Variants in PAM observed in about 807,000 individuals in gnomAD.
PAM encodes the protein peptidyl-glycine alpha-amidating monooxygenase.
In PAM, 72 loss-of-function variants were observed where a neutral mutation model predicts 122.1. The ratio of observed to expected loss-of-function variants is 0.59; its 90% CI spans 0.49 to 0.72. PAM has a LOEUF of 0.72. Ranked by LOEUF, PAM falls within the 30% of genes least tolerant of loss-of-function variation. The probability of loss-of-function intolerance (pLI) is 0.00; values close to 1 mark genes in which losing one functional copy is unlikely to be tolerated. For missense variants in PAM, 1,106 were observed against 1,183.7 expected (o/e 0.93, Z 0.96); for synonymous variants, 389 against 404.4 (o/e 0.96, Z 0.46).
intron 1 of PAM, among the ~76,000 whole-genome samples, chr5:102,774,406 AAAGTGAGACTAC>A (rs2149793319): frequency 6.6e-6 from 1 of 152,202 alleles, no homozygotes; most frequent in East Asian, 1.9e-4. Flanking sequence ...GAGCCACTCC[AAAGTGAGACTAC>A]CTTGCCTTCG....
intron 1 of PAM, among the ~76,000 whole-genome samples, chr5:102,805,645 T>C (rs1470905325): frequency 6.6e-6 from 1 of 152,096 alleles, no homozygotes; most frequent in African/African-American, 2.4e-5. Context: ...TCCTTGAGAA[T>C]CAAAGGAAGA....
At chr5:102,873,226 C>G (rs1561710169) in intron 3 of PAM, 1 of 152,082 alleles carries the variant, frequency 6.6e-6, no homozygotes, top group Non-Finnish European at 1.5e-5. Flanking sequence ...TTCAGTCTTT[C>G]TCTTGGACAT....
At chr5:103,022,304 A>G (rs1783787236) in intron 23 of PAM, among the ~76,000 whole-genome samples, 1 of 151,844 alleles carries the variant, frequency 6.6e-6, no homozygotes, top group Admixed American at 6.6e-5. Context: ...ACTTCCTAGT[A>G]TGCCATTTGC....
At chr5:102,926,318 A>G (rs1261613683) in intron 6 of PAM, among the ~76,000 whole-genome samples, 1 of 152,230 alleles carries the variant, frequency 6.6e-6, no homozygotes, top group Non-Finnish European at 1.5e-5. Context: ...TGTTTCTTTC[A>G]AAATGAGTGA....
At chr5:102,932,452 T>C (rs1400600973) in intron 7 of PAM, among the ~76,000 whole-genome samples, 1 of 151,670 alleles carries the variant, frequency 6.6e-6, no homozygotes, top group African/African-American at 2.4e-5. Flanking sequence ...ACCACTGCAC[T>C]GCAGCCTGGG....
intron 14 of PAM, among the ~76,000 whole-genome samples, chr5:102,967,729 T>TC (rs1764539387): frequency 6.6e-6 from 1 of 151,282 alleles, no homozygotes; most frequent in Admixed American, 6.6e-5. Context: ...TTTTTTTTTT[T>TC]TTTTGAGATG....
intron 1 of PAM, among the ~76,000 whole-genome samples, chr5:102,826,374 C>T (rs941913762): frequency 1.3e-5 from 2 of 152,128 alleles, no homozygotes; most frequent in Non-Finnish European, 2.9e-5. Flanking sequence ...AAATGGATAT[C>T]CAGGGTCCTT....
rs1315786819 is a variant in PAM at position 102,865,971 on chromosome 5, A to G, written c.-225A>G. The stretch of plus-strand genomic sequence containing the variant: ...AAAGCTTCCGCCTGCGGGCCGGACA[A>G]AAGTCCCGCCTGCCCACGGCTTTTT... On this transcript the variant is annotated 5_prime_UTR_variant, in exon 2 of 26. Transcript: ENST00000438793. 1 of 440,936 alleles carries G rather than the reference A, an allele frequency of 2.3e-6. No individual in the cohort carries two copies. The highest frequency in any genetic ancestry group is 3.9e-6 in the Non-Finnish European group (1 of 253,444). 27.3% of individuals were successfully genotyped at this position (440,936 alleles called of 1,614,324 possible).
Position 103,003,048 on chromosome 5 carries a change from G to A in PAM, c.1629G>A (p.Lys543=), listed in dbSNP as rs1777867797. 1.3e-6 allele frequency: 2 copies of A among 1,579,392 alleles called. No individual in the cohort carries two copies. Among genetic ancestry groups the A allele is most frequent in the African/African-American group, 1.3e-5 (1 of 74,272 alleles). ...HVWDGNSFDS[K]FVYQQIGLGP... is the part of the protein sequence containing the mutation. ...TTTTGTTTAGCTCGTTTGACAGCAA[G>A]TTTGTTTACCAGCAAATAGGACTCG... The change falls in exon 17 of 26, where the codon AAG becomes AAA. Residue 543 remains lysine, a synonymous_variant. Transcript: ENST00000438793.
At chr5:102,917,672 T>C (rs1463141966) in intron 5 of PAM, among the ~76,000 whole-genome samples, 2 of 152,194 alleles carry the variant, frequency 1.3e-5, no homozygotes, top group Non-Finnish European at 2.9e-5. Flanking sequence ...GTCTTTAATA[T>C]AGAAAACATG....
Position 102,962,913 on chromosome 5 carries a change from A to T in PAM, c.1162+1684A>T, listed in dbSNP as rs186085735. On this transcript the variant is annotated intron_variant, in intron 14 of 25. Transcript: ENST00000438793. ...ACCCAAACTCTTACTGGTCCCCGAGAATAATTCTATGGACACATAAGAAAT... is the reference window on the plus strand; with the variant it reads ...ACCCAAACTCTTACTGGTCCCCGAGTATAATTCTATGGACACATAAGAAAT... 1.8e-3 allele frequency among the ~76,000 whole-genome samples: 266 copies of T among 151,946 alleles called. 1 individual carries two copies. Among genetic ancestry groups the T allele is most frequent in the Non-Finnish European group, 2.8e-3 (189 of 67,810 alleles).
chr5:102,993,968 T>C (rs1036473759), intron 16 of PAM, among the ~76,000 whole-genome samples: 2 of 152,120 alleles, frequency 1.3e-5, no homozygotes, highest in Non-Finnish European at 2.9e-5. Flanking sequence ...TTTGTTCTGC[T>C]CATGAAATGT....
At position 103,028,193 on chromosome 5, in the gene PAM, C is replaced by T. The variant is rs1472690855; in HGVS notation, c.2698C>T (p.His900Tyr). The T allele has an allele frequency of 6.2e-7, 1 of 1,612,274 alleles. No individual in the cohort carries two copies. The highest frequency in any genetic ancestry group is 1.7e-5 in the Admixed American group (1 of 59,958). Residue 900 changes from histidine (H) to tyrosine (Y), a missense_variant, in exon 25 of 26, where the codon CAC (histidine) becomes TAC (tyrosine). By Grantham distance (83) the His-to-Tyr change is moderately conservative. This residue lies in a region of PAM where 333 missense variants were observed against 335.6 expected (regional missense o/e 0.99). Coordinates refer to ENST00000438793, the MANE Select transcript of PAM (RefSeq NM_001177306.2). ...KKSRAFGDSEHKLETSSGRVL... is the reference protein window; with the variant it reads ...KKSRAFGDSEYKLETSSGRVL... ...CCATCTTTTTTTAGCAGATTCTGAA[C>T]ACAAACTCGAGACGAGTTCAGGAAG...
chr5:103,003,248 C>G, intron 17 of PAM, 99 bp downstream of exon 17: 1 of 576,624 alleles, frequency 1.7e-6, no homozygotes, highest in Non-Finnish European at 3.2e-6. Flanking sequence ...TATAACTGCA[C>G]TTGAGAAAGC....
chr5:102,962,007 G>A (rs1762644243), intron 14 of PAM, among the ~76,000 whole-genome samples: 1 of 151,832 alleles, frequency 6.6e-6, no homozygotes, highest in Admixed American at 6.6e-5. Flanking sequence ...AGCACAAATA[G>A]GAATAGAAAG....
intron 7 of PAM, among the ~76,000 whole-genome samples, chr5:102,936,984 T>C (rs2151857659): frequency 6.6e-6 from 1 of 152,268 alleles, no homozygotes; most frequent in Non-Finnish European, 1.5e-5. Flanking sequence ...CCAAAATAAG[T>C]TTAATTAAAT....
chr5:102,819,259 T>C (rs1215574314), intron 1 of PAM, among the ~76,000 whole-genome samples: 9 of 152,156 alleles, frequency 5.9e-5, no homozygotes, highest in Non-Finnish European at 1.2e-4. Context: ...TACATTCATT[T>C]ATGAAAATAA....
intron 14 of PAM, among the ~76,000 whole-genome samples, chr5:102,963,336 T>A (rs1763073051): frequency 6.6e-6 from 1 of 151,990 alleles, no homozygotes; most frequent in South Asian, 2.1e-4. Flanking sequence ...TTCATTCTTC[T>A]TAGAGATATT....
intron 3 of PAM, among the ~76,000 whole-genome samples, chr5:102,888,196 C>T (rs1347638192): frequency 6.6e-6 from 1 of 151,954 alleles, no homozygotes; most frequent in South Asian, 2.1e-4. Flanking sequence ...AACAGACATA[C>T]GGGGCATATG....
Sources: gnomAD v4.1 joint callset for allele counts (sites outside exome capture counted in the v4.1 genomes callset) on GRCh38, gnomAD v4.1.1 for gene constraint, gnomAD v4.1.1 regional missense constraint, MANE v1.5 for transcripts, NCBI Gene and HGNC (gene_info 2026-07-23, HGNC 2026-07-21) for gene names.